LHPP: variants seen among roughly 807,000 people sequenced by gnomAD.
LHPP encodes phospholysine phosphohistidine inorganic pyrophosphate phosphatase.
LHPP carries 24 observed loss-of-function variants against 30.3 expected under a neutral mutation model. The ratio of observed to expected loss-of-function variants is 0.79; its 90% confidence interval spans 0.57 to 1.11. The LOEUF (loss-of-function observed/expected upper bound fraction) is 1.11. Ranked by LOEUF, LHPP falls within the 50% of genes most tolerant of loss-of-function variation. The probability of loss-of-function intolerance (pLI) is 0.00; values close to 1 mark genes in which losing one functional copy is unlikely to be tolerated. For synonymous variants in LHPP, 150 were observed against 157.1 expected (o/e 0.95, Z 0.34); for missense variants, 356 against 367.2 (o/e 0.97, Z 0.25).
chr10:124,568,529 G>T (rs1160074125), intron 6 of LHPP, among the ~76,000 whole-genome samples: 1 of 152,176 alleles, frequency 6.6e-6, no homozygotes, highest in Non-Finnish European at 1.5e-5. Flanking sequence ...ATCCCTCCGC[G>T]GTGGCGTGGA....
intron 6 of LHPP, among the ~76,000 whole-genome samples, chr10:124,551,511 C>T (rs1948165485): frequency 6.6e-6 from 1 of 152,196 alleles, no homozygotes; most frequent in African/African-American, 2.4e-5. Context: ...CTCACCAGAT[C>T]ACAGGACCCT....
rs924065249 is a variant in LHPP, at chr10:124,594,886, T to C, written c.717-18378T>C. Reference sequence around the variant, plus strand: ...TCTCGAGTGATCCACCTGCCTCAGCTTCCCAAAGTGCTGGGATTACAGGCA... The same window carrying C: ...TCTCGAGTGATCCACCTGCCTCAGCCTCCCAAAGTGCTGGGATTACAGGCA... On this transcript the variant is annotated intron_variant, in intron 6 of 6. Transcript: ENST00000368842. Among the ~76,000 whole-genome samples the C allele has an allele frequency of 2.0e-5, 3 of 152,092 alleles. No homozygotes were observed. The East Asian group carries it at 5.8e-4, about 29-fold the overall frequency.
chr10:124,540,977 A>C (rs1955169644), intron 6 of LHPP, among the ~76,000 whole-genome samples: 1 of 152,256 alleles, frequency 6.6e-6, no homozygotes, highest in Non-Finnish European at 1.5e-5. Context: ...TTTAGGGCCA[A>C]AGAAAATGTT....
chr10:124,563,513 G>A (rs551030268), intron 6 of LHPP, among the ~76,000 whole-genome samples: 111 of 152,182 alleles, frequency 7.3e-4, no homozygotes, highest in Middle Eastern at 3.4e-3. Context: ...GTGGGGCGGG[G>A]CAGGAGGGCA....
At position 124,542,174 on chromosome 10, in the gene LHPP, C is replaced by T. The variant is rs561164743; in HGVS notation, c.716+24903C>T. On this transcript the variant is annotated intron_variant, in intron 6 of 6. Coordinates refer to ENST00000368842, the MANE Select transcript of LHPP (RefSeq NM_022126.4). The stretch of plus-strand genomic sequence containing the variant: ...GGGGCAGTCTGGGGTCTGGGGCTGG[C>T]GTTCGGGCCAGCATGGAACACAGAT... Among the ~76,000 whole-genome samples, 36 of 152,190 alleles carry T rather than the reference C, an allele frequency of 2.4e-4. 1 individual carries two copies. In the South Asian group the frequency reaches 6.9e-3, roughly 29 times the overall value.
rs1948867913 is a variant in LHPP at position 124,590,437 on chromosome 10, G to A, written c.717-22827G>A. On this transcript the variant is annotated intron_variant, in intron 6 of 6. Coordinates refer to ENST00000368842, the MANE Select transcript of LHPP (RefSeq NM_022126.4). The surrounding 1 kb of genome is among the most constrained non-coding windows in gnomAD (Gnocchi z 4.3). ...CCAGAATTCTGAGTTGAGTTCCGAC[G>A]CAGGCGTGGGCGATGGTGAGCAACT... is the stretch of plus-strand genomic sequence containing the variant. Among the ~76,000 whole-genome samples the A allele has an allele frequency of 6.6e-6, 1 of 152,094 alleles. No homozygotes were observed. The highest frequency in any genetic ancestry group is 2.1e-4 in the South Asian group (1 of 4,816).
At chr10:124,483,967 GA>G (rs1336767843) in intron 1 of LHPP, among the ~76,000 whole-genome samples, 171 bp from the exon 2 acceptor site, 3 of 152,078 alleles carry the variant, frequency 2.0e-5, no homozygotes, top group East Asian at 3.9e-4. Flanking sequence ...CTTCAGCTCA[GA>G]AATCCCAGCC....
chr10:124,463,897 A>G (rs151317313), intron 1 of LHPP, among the ~76,000 whole-genome samples: 1,905 of 148,326 alleles, frequency 0.013, 38 homozygotes, highest in African/African-American at 0.043. Context: ...TCTCACTGCA[A>G]CCTCTACCTC....
At chr10:124,581,278 A>T (rs10901775) in intron 6 of LHPP, among the ~76,000 whole-genome samples, 1 of 151,958 alleles carries the variant, frequency 6.6e-6, no homozygotes, top group Non-Finnish European at 1.5e-5. Flanking sequence ...TATGGATAGA[A>T]CACAGTTATT....
intron 6 of LHPP, among the ~76,000 whole-genome samples, chr10:124,536,786 C>A (rs926918045): frequency 6.6e-6 from 1 of 152,166 alleles, no homozygotes; most frequent in African/African-American, 2.4e-5. Flanking sequence ...TTCCCTGCGG[C>A]AGCTCCAAGC....
chr10:124,529,791 GCACATA>G (rs1460386316), intron 6 of LHPP, among the ~76,000 whole-genome samples: 3 of 111,984 alleles, frequency 2.7e-5, no homozygotes, highest in African/African-American at 8.8e-5. Flanking sequence ...ACCAGCTCAT[GCACATA>G]CACACACACA....
At chr10:124,555,373 TGGAGGAAG>T (rs1211088971) in intron 6 of LHPP, among the ~76,000 whole-genome samples, 2 of 152,166 alleles carry the variant, frequency 1.3e-5, no homozygotes, top group African/African-American at 2.4e-5. Context: ...AGCTCCTCCC[TGGAGGAAG>T]GGAGGAAGGG....
chr10:124,528,295 C>T (rs1179782361), intron 6 of LHPP, among the ~76,000 whole-genome samples: 1 of 152,374 alleles, frequency 6.6e-6, no homozygotes, highest in Non-Finnish European at 1.5e-5. Flanking sequence ...TGTGGTCCAC[C>T]ACATGGTCAT....
intron 6 of LHPP, among the ~76,000 whole-genome samples, chr10:124,606,369 C>T (rs1055162123): frequency 1.3e-5 from 2 of 152,200 alleles, no homozygotes; most frequent in Non-Finnish European, 2.9e-5. Context: ...CAGTCCTGCC[C>T]CACTCCCTCT....
At chr10:124,495,080 T>C (rs1953662874) in intron 3 of LHPP, among the ~76,000 whole-genome samples, 2 of 152,246 alleles carry the variant, frequency 1.3e-5, no homozygotes, top group African/African-American at 4.8e-5. Flanking sequence ...CAGTACTTTT[T>C]TAGGCCATGT....
intron 4 of LHPP, 91 bp downstream of exon 4, chr10:124,497,115 T>A: frequency 1.9e-6 from 2 of 1,040,460 alleles, no homozygotes; most frequent in African/African-American, 1.6e-5. Flanking sequence ...TGTGCTTAAT[T>A]AACGTACAAA....
At chr10:124,581,761 ATG>A (rs59028045) in intron 6 of LHPP, among the ~76,000 whole-genome samples, 60,921 of 142,468 alleles carry the variant, frequency 0.43, 12,430 homozygotes, top group Non-Finnish European at 0.45. Context: ...ACATACATAT[ATG>A]TATATACACA....
chr10:124,492,831 C>T (rs544596072), intron 3 of LHPP, among the ~76,000 whole-genome samples: 83 of 152,286 alleles, frequency 5.5e-4, no homozygotes, highest in African/African-American at 1.9e-3. Flanking sequence ...CAACACCTCA[C>T]TAGAGAACAA....
chr10:124,512,802 C>G (rs867610676), intron 5 of LHPP, among the ~76,000 whole-genome samples: 4 of 152,108 alleles, frequency 2.6e-5, no homozygotes, highest in Admixed American at 2.0e-4. Context: ...CCCCACTGCT[C>G]TAGCTCAGCG....
Sources: gnomAD v4.1 joint callset for allele counts (sites outside exome capture counted in the v4.1 genomes callset) on GRCh38, gnomAD v4.1.1 for gene constraint, Gnocchi (gnomAD v3.1) non-coding constraint, MANE v1.5 for transcripts, NCBI Gene and HGNC (gene_info 2026-07-23, HGNC 2026-07-21) for gene names.